Variants in MGME1 observed in about 807,000 individuals in gnomAD.
The protein encoded by MGME1 is mitochondrial genome maintenance exonuclease 1.
MGME1 carries 22 observed loss-of-function variants against 33.0 expected under a neutral mutation model. The ratio of observed to expected loss-of-function variants is 0.67; its 90% CI spans 0.48 to 0.95. The LOEUF (loss-of-function observed/expected upper bound fraction) is 0.95. MGME1 is among the 40% of genes least tolerant of loss of function. The probability of loss-of-function intolerance (pLI) is 0.00; values close to 1 mark genes in which losing one functional copy is unlikely to be tolerated. For missense variants in MGME1, 383 were observed against 397.8 expected, an observed-to-expected ratio of 0.96 and a Z score of 0.32; for synonymous variants, 133 against 144.0, an observed-to-expected ratio of 0.92 and a Z score of 0.55.
Position 17,990,181 on chromosome 20 carries a change from G to A in MGME1, c.*72G>A, listed in dbSNP as rs1469835408. 1.7e-5 allele frequency: 23 copies of A among 1,353,056 alleles called. No individual in the cohort carries two copies. Among genetic ancestry groups the A allele is most frequent in the Non-Finnish European group, 2.2e-5 (21 of 947,794 alleles). The allele number at this position is 1,353,056 out of a possible 1,614,324, so 83.8% of individuals were successfully genotyped here. A position where few individuals can be genotyped will look rare whatever the true frequency, so the allele number is the denominator to read the frequency against. ...GGAACATATATTGCTGTTTACTCCA[G>A]TGTAAAAATGAGGTGCCACTGGATC... On this transcript the variant is annotated 3_prime_UTR_variant, in exon 5 of 5. Transcript: ENST00000377710.
At chr20:17,974,395 G>A (rs6105851) in intron 2 of MGME1, among the ~76,000 whole-genome samples, 87,662 of 151,940 alleles carry the variant, frequency 0.58, 25,703 homozygotes, top group African/African-American at 0.68. Flanking sequence ...TGTATGAGGA[G>A]GGGGCTTACT....
intron 3 of MGME1, 30 bp downstream of exon 3, chr20:17,975,933 C>T: frequency 6.6e-7 from 1 of 1,519,674 alleles, no homozygotes; most frequent in Non-Finnish European, 9.1e-7. Context: ...TGAATTAATA[C>T]AGCGTAGGAC....
Position 17,970,364 on chromosome 20 carries a change from A to C in MGME1, c.505A>C (p.Thr169Pro), listed in dbSNP as rs1272800632. The C allele has an allele frequency of 1.9e-6, 3 of 1,605,772 alleles. No homozygotes were observed. The change falls in exon 2 of 5, where the codon ACT becomes CCT. Residue 169 changes from threonine (T) to proline (P), a missense_variant. Thr to Pro is a conservative substitution (Grantham distance 38, BLOSUM62 -1). Transcript: ENST00000377710. Reference protein sequence around the residue: ...ELGEDGFKEYTSNVFLQGKRF... With the variant: ...ELGEDGFKEYPSNVFLQGKRF... ...GGGAGAAGATGGCTTTAAAGAATAC[A>C]CTTCAAGTAATTATCTCAATTCTGA...
intron 3 of MGME1, among the ~76,000 whole-genome samples, chr20:17,980,733 C>T (rs6111770): frequency 0.28 from 41,671 of 150,592 alleles, 5,997 homozygotes; most frequent in East Asian, 0.43. Flanking sequence ...GGCGTGAACC[C>T]GGGAGGCGGA....
upstream of MGME1, chr20:17,968,842 A>G: frequency 5.3e-6 from 1 of 187,042 alleles, no homozygotes. Flanking sequence ...CGAGTCCAAG[A>G]TGGCAGCGAG....
chr20:17,983,430 C>T (rs2036083324), intron 3 of MGME1, among the ~76,000 whole-genome samples: 2 of 152,162 alleles, frequency 1.3e-5, no homozygotes, highest in South Asian at 4.2e-4. Context: ...GATTTTAATT[C>T]GTTTGGCTAT....
intron 2 of MGME1, among the ~76,000 whole-genome samples, chr20:17,974,916 A>G (rs2035821078): frequency 1.3e-5 from 2 of 152,160 alleles, no homozygotes; most frequent in South Asian, 4.1e-4. Flanking sequence ...GTTTGTCACT[A>G]ATCCTGTTAG....
chr20:17,980,701 T>C (rs1026517108), intron 3 of MGME1, among the ~76,000 whole-genome samples: 5 of 150,716 alleles, frequency 3.3e-5, no homozygotes, highest in South Asian at 2.1e-4. Context: ...CCCAGCTACT[T>C]GGGAGGCTGA....
In MGME1 at chr20:17,969,161, G is replaced by T. The variant is rs1186390161; in HGVS notation, c.-60+20G>T. On this transcript the variant is annotated intron_variant, in intron 1 of 4. Transcript: ENST00000377710. The stretch of plus-strand genomic sequence containing the variant: ...TCCAAGGTACCGACACTTGCCGTAG[G>T]CTGGGCTTTTATTTAAGTCGTCTTT... The T allele has an allele frequency of 1.3e-5, 2 of 152,308 alleles. No homozygotes were observed. The highest frequency in any genetic ancestry group is 2.4e-5 in the African/African-American group (1 of 41,478). 9.4% of individuals were successfully genotyped at this position (152,308 alleles called of 1,614,324 possible).
chr20:17,977,322 A>G (rs947816224), intron 3 of MGME1, among the ~76,000 whole-genome samples: 8 of 151,762 alleles, frequency 5.3e-5, no homozygotes, highest in African/African-American at 1.9e-4. Context: ...GTTGCAGTGA[A>G]CCGAGATGGT....
chr20:17,969,984 A>G lies in MGME1; in HGVS notation c.125A>G (p.Asn42Ser), dbSNP rs1286577047. 6.2e-7 allele frequency: 1 copy of G among 1,614,164 alleles called. No homozygotes were observed. Among genetic ancestry groups the G allele is most frequent in the South Asian group, 1.1e-5 (1 of 91,082 alleles). Residue 42 changes from asparagine (N) to serine (S), a missense_variant, in exon 2 of 5, where the codon AAC becomes AGC. Asn to Ser is a conservative substitution (Grantham distance 46). Transcript: ENST00000377710. The stretch of plus-strand genomic sequence containing the variant: ...TCATGTGGCCGGAAGAAAAAAGTGA[A>G]CCCATATGAAGAAGTGGACCAAGAA... The part of the protein sequence containing the change: ...SYSCGRKKKV[N>S]PYEEVDQEKY...
intron 3 of MGME1, among the ~76,000 whole-genome samples, chr20:17,979,012 G>A (rs1286600856): frequency 6.6e-6 from 1 of 151,666 alleles, no homozygotes; most frequent in Non-Finnish European, 1.5e-5. Context: ...TCCGGGCCTT[G>A]AGTGATCTGC....
intron 2 of MGME1, among the ~76,000 whole-genome samples, chr20:17,973,435 G>A (rs939972167): frequency 2.0e-5 from 3 of 152,232 alleles, no homozygotes; most frequent in Non-Finnish European, 2.9e-5. Flanking sequence ...ATTGCTTGAG[G>A]CCAGGTGTTT....
chr20:17,988,625 G>C (rs1412637388), intron 4 of MGME1, among the ~76,000 whole-genome samples: 1 of 134,056 alleles, frequency 7.5e-6, no homozygotes, highest in Non-Finnish European at 1.5e-5. Context: ...CTGGGCAAGA[G>C]AGTGAGACTC....
At chr20:17,972,410 CACAA>C (rs932315153) in intron 2 of MGME1, among the ~76,000 whole-genome samples, 31 of 149,492 alleles carry the variant, frequency 2.1e-4, no homozygotes, top group Admixed American at 8.1e-4. Flanking sequence ...TATAAATACA[CACAA>C]AGGGATGGGG....
chr20:17,969,665 T>C, intron 1 of MGME1, 136 bp from the exon 2 acceptor site: 1 of 546,616 alleles, frequency 1.8e-6, no homozygotes, highest in South Asian at 2.9e-5. Flanking sequence ...ATAAATTTTT[T>C]TTGGAGGCAG....
intron 3 of MGME1, among the ~76,000 whole-genome samples, chr20:17,979,296 C>G (rs1278273738): frequency 6.6e-6 from 1 of 152,086 alleles, no homozygotes; most frequent in African/African-American, 2.4e-5. Flanking sequence ...TCAGGCTGAT[C>G]TAGAATTCCT....
chr20:17,970,253 A>G lies in MGME1; in HGVS notation c.394A>G (p.Ser132Gly). The change falls in exon 2 of 5, where the codon AGT (serine) becomes GGT (glycine). Residue 132 changes from serine to glycine, a missense_variant. Transcript: ENST00000377710. ...CCCCTTGCAAAGGAATGTGATACCA[A>G]GTGTGACCCGAGTCCTTCAGCAGAC... ...KIPLQRNVIPSVTRVLQQTMT... is the reference protein window; with the variant it reads ...KIPLQRNVIPGVTRVLQQTMT... The G allele has an allele frequency of 6.2e-7, 1 of 1,614,252 alleles. No homozygotes were observed. The highest frequency in any genetic ancestry group is 1.1e-5 in the South Asian group (1 of 91,082).
chr20:17,969,698 TAAGA>T, intron 1 of MGME1, 99 bp from the exon 2 acceptor site: 2 of 697,952 alleles, frequency 2.9e-6, no homozygotes, highest in Non-Finnish European at 4.5e-6. Context: ...TCGACTTTCT[TAAGA>T]AAGGGCTCTG....
Sources: gnomAD v4.1 joint callset for allele counts (sites outside exome capture counted in the v4.1 genomes callset) on GRCh38, gnomAD v4.1.1 for gene constraint, MANE v1.5 for transcripts, NCBI Gene and HGNC (gene_info 2026-07-23, HGNC 2026-07-21) for gene names.